The following CNTNAP2 variants were observed in gnomAD, a reference collection of about 807,000 sequenced individuals.
CNTNAP2 encodes the protein contactin associated protein 2.
In CNTNAP2, 98 loss-of-function variants were observed where a neutral mutation model predicts 155.2. The ratio of observed to expected loss-of-function variants is 0.63; its 90% CI spans 0.54 to 0.75. The LOEUF (loss-of-function observed/expected upper bound fraction) is 0.75, where lower values mean the gene tolerates loss of function less well. CNTNAP2 is among the 30% of genes least tolerant of loss of function. The pLI is 0.00. For synonymous variants in CNTNAP2, 651 were observed against 631.2 expected (o/e 1.03, Z -0.47); for missense variants, 1,727 against 1,688.1 (o/e 1.02, Z -0.40).
intron 9 of CNTNAP2, among the ~76,000 whole-genome samples, chr7:147,371,842 A>G (rs373777069): frequency 1.3e-5 from 2 of 152,154 alleles, no homozygotes; most frequent in South Asian, 4.1e-4. Flanking sequence ...TTAATAAAAT[A>G]TAGTCATATA....
At chr7:146,593,483 CTA>C (rs1798813771) in intron 1 of CNTNAP2, among the ~76,000 whole-genome samples, 1 of 152,080 alleles carries the variant, frequency 6.6e-6, no homozygotes, top group Non-Finnish European at 1.5e-5. Context: ...ATTCAGAACT[CTA>C]TTTTTGTGCT....
chr7:148,056,111 C>T (rs1484982821), intron 15 of CNTNAP2, among the ~76,000 whole-genome samples: 1 of 152,182 alleles, frequency 6.6e-6, no homozygotes, highest in Non-Finnish European at 1.5e-5. Flanking sequence ...AAAGAGTGGG[C>T]TCTGTTCCCT....
At chr7:146,898,765 C>T (rs1167110260) in intron 3 of CNTNAP2, among the ~76,000 whole-genome samples, 2 of 151,726 alleles carry the variant, frequency 1.3e-5, no homozygotes, top group African/African-American at 2.4e-5. Context: ...CTTGTTTAAC[C>T]GATTGAGTAC....
At chr7:148,107,708 G>A (rs952631369) in intron 15 of CNTNAP2, among the ~76,000 whole-genome samples, 10 of 152,192 alleles carry the variant, frequency 6.6e-5, no homozygotes, top group African/African-American at 2.4e-4. Flanking sequence ...GTTGTCCACA[G>A]TCCCCAGCTC....
rs144864894 is a variant in CNTNAP2, at chr7:148,269,068, C to G, written c.3475+1942C>G. Among the ~76,000 whole-genome samples the G allele has an allele frequency of 4.2e-4, 64 of 152,112 alleles. No individual in the cohort carries two copies. The East Asian group carries it at 0.011, about 26-fold the overall frequency. ...CAAAAAGGATTCCTGGGTTTAGAAC[C>G]AGGAACACACCAGTCCGGCTGGAGA... On this transcript the variant is annotated intron_variant, in intron 21 of 23. Transcript: ENST00000361727.
At chr7:147,498,690 T>A (rs545397983) in intron 11 of CNTNAP2, among the ~76,000 whole-genome samples, 1 of 152,214 alleles carries the variant, frequency 6.6e-6, no homozygotes, top group Non-Finnish European at 1.5e-5. Flanking sequence ...AAGTTGAACA[T>A]AGCAGAAGCA....
At chr7:146,420,499 G>T (rs1302964131) in intron 1 of CNTNAP2, among the ~76,000 whole-genome samples, 1 of 152,002 alleles carries the variant, frequency 6.6e-6, no homozygotes, top group Admixed American at 6.6e-5. Context: ...TTATTGAGAT[G>T]AAAATATTTC....
chr7:147,770,681 A>C (rs1357545798), intron 13 of CNTNAP2, among the ~76,000 whole-genome samples: 1 of 152,202 alleles, frequency 6.6e-6, no homozygotes, highest in Non-Finnish European at 1.5e-5. Context: ...CTAGGGGAAA[A>C]AGTATAAAAC....
rs144618186 is a variant in CNTNAP2, at chr7:147,695,257, C to T, written c.2098+55951C>T. Among the ~76,000 whole-genome samples, 45 of 152,214 alleles carry T rather than the reference C, an allele frequency of 3.0e-4. No homozygotes were observed. In the East Asian group the frequency reaches 3.7e-3, roughly 12 times the overall value. ...AATTTGTATGTGTTATTACCCAGAA[C>T]GTGATCTATCTTGTTGAATATTTTA... is the stretch of plus-strand genomic sequence containing the variant. On this transcript the variant is annotated intron_variant, in intron 13 of 23. Transcript: ENST00000361727.
intron 15 of CNTNAP2, among the ~76,000 whole-genome samples, chr7:148,003,121 G>C (rs1801925249): frequency 6.6e-6 from 1 of 152,216 alleles, no homozygotes; most frequent in Admixed American, 6.5e-5. Context: ...ATGCTTAGTA[G>C]CTCCTAGGAA....
At chr7:147,415,615 T>C (rs1057330336) in intron 10 of CNTNAP2, among the ~76,000 whole-genome samples, 1 of 152,182 alleles carries the variant, frequency 6.6e-6, no homozygotes, top group South Asian at 2.1e-4. Context: ...GTGAGTCAAT[T>C]ACACCTCTTT....
At position 146,921,252 on chromosome 7, in the gene CNTNAP2, TA is replaced by T. The variant is rs535570792; in HGVS notation, c.402+81353del. On this transcript the variant is annotated intron_variant, in intron 3 of 23. Transcript: ENST00000361727. Reference sequence around the variant, plus strand: ...TCTCAAAACTTGCAGAATTGCAACATAAAAAGGGTACATTTTTACTATAAAT... The same window carrying T: ...TCTCAAAACTTGCAGAATTGCAACATAAAAGGGTACATTTTTACTATAAAT... 1.6e-4 allele frequency among the ~76,000 whole-genome samples: 24 copies of T among 152,222 alleles called. No individual in the cohort carries two copies. In the East Asian group the frequency reaches 4.3e-3, roughly 27 times the overall value.
intron 1 of CNTNAP2, among the ~76,000 whole-genome samples, chr7:146,118,959 A>C (rs537339216): frequency 6.6e-6 from 1 of 152,126 alleles, no homozygotes; most frequent in South Asian, 2.1e-4. Context: ...AATGAATTAA[A>C]TAATAAGGAT....
rs114364106 is a variant in CNTNAP2, at chr7:147,453,175, T to G, written c.1671-32760T>G. On this transcript the variant is annotated intron_variant, in intron 10 of 23. Coordinates refer to ENST00000361727, the MANE Select transcript of CNTNAP2 (RefSeq NM_014141.6). ...GATGAAAGATTTGTTGTCTTAAGCA[T>G]GCCATGTTCTGCAGGTCTCATAGCT... Among the ~76,000 whole-genome samples, 1,114 of 152,264 alleles carry G rather than the reference T, an allele frequency of 7.3e-3. 16 individuals are homozygous for G. The highest frequency in any genetic ancestry group is 0.025 in the African/African-American group (1,038 of 41,554).
At chr7:147,930,140 A>C (rs933650260) in intron 14 of CNTNAP2, among the ~76,000 whole-genome samples, 1 of 152,224 alleles carries the variant, frequency 6.6e-6, no homozygotes, top group Non-Finnish European at 1.5e-5. Flanking sequence ...AGAAAGAAAA[A>C]AAAACAGGAA....
intron 12 of CNTNAP2, among the ~76,000 whole-genome samples, chr7:147,591,918 A>G (rs1800741347): frequency 6.6e-6 from 1 of 152,144 alleles, no homozygotes; most frequent in African/African-American, 2.4e-5. Flanking sequence ...CTCTGCCTTA[A>G]TCCAGTCTTT....
intron 13 of CNTNAP2, among the ~76,000 whole-genome samples, chr7:147,772,106 G>A (rs1348431579): frequency 6.6e-6 from 1 of 151,934 alleles, no homozygotes; most frequent in Non-Finnish European, 1.5e-5. Context: ...AGGTCAATGT[G>A]TATAAGTAAT....
chr7:146,231,235 C>T (rs904934129), intron 1 of CNTNAP2, among the ~76,000 whole-genome samples: 6 of 152,038 alleles, frequency 3.9e-5, no homozygotes, highest in Non-Finnish European at 7.3e-5. Context: ...GGAGTTCTGA[C>T]CCTGCAACAT....
chr7:147,523,689 T>A (rs1206035291), intron 11 of CNTNAP2, among the ~76,000 whole-genome samples: 1 of 152,178 alleles, frequency 6.6e-6, no homozygotes, highest in African/African-American at 2.4e-5. Flanking sequence ...AGGTGCCTTG[T>A]GAGCACCTGT....
Sources: allele counts gnomAD v4.1 joint callset (sites outside exome capture counted in the v4.1 genomes callset), GRCh38; gene constraint gnomAD v4.1.1; transcripts MANE v1.5; gene names NCBI Gene and HGNC (gene_info 2026-07-23, HGNC 2026-07-21).